Variants in NCALD observed in about 807,000 individuals in gnomAD.
NCALD encodes neurocalcin-delta.
In NCALD, 10 loss-of-function variants were observed where a neutral mutation model predicts 18.6. The ratio of observed to expected loss-of-function variants is 0.54; its 90% confidence interval spans 0.33 to 0.91. The LOEUF is 0.91. NCALD is among the 40% of genes least tolerant of loss of function. The probability of loss-of-function intolerance (pLI) is 0.03; values close to 1 mark genes in which losing one functional copy is unlikely to be tolerated. For missense variants in NCALD, 184 were observed against 247.6 expected, an observed-to-expected ratio of 0.74 and a Z score of 1.72; for synonymous variants, 88 against 87.4, an observed-to-expected ratio of 1.01 and a Z score of -0.04.
chr8:102,049,856 A>AT (rs1022561825), intron 1 of NCALD, among the ~76,000 whole-genome samples: 3 of 152,062 alleles, frequency 2.0e-5, no homozygotes, highest in African/African-American at 7.3e-5. Flanking sequence ...CCTCTTGCCC[A>AT]TTTTTTAAAA....
At chr8:102,074,431 A>G (rs1444792580) in intron 1 of NCALD, among the ~76,000 whole-genome samples, 1 of 152,160 alleles carries the variant, frequency 6.6e-6, no homozygotes, top group Non-Finnish European at 1.5e-5. Flanking sequence ...ATTCTATTCT[A>G]TAAAGTTCTC....
intron 4 of NCALD, among the ~76,000 whole-genome samples, chr8:101,804,034 C>A (rs746831823): frequency 2.6e-5 from 4 of 151,940 alleles, no homozygotes. Context: ...CTTCAGCAAT[C>A]GCCAGCCTGA....
intron 2 of NCALD, among the ~76,000 whole-genome samples, chr8:101,945,245 T>G (rs149785376): frequency 7.5e-4 from 114 of 152,346 alleles, no homozygotes; most frequent in African/African-American, 2.6e-3. Context: ...GCCTCTACTA[T>G]GTGCCAGGCA....
intron 1 of NCALD, among the ~76,000 whole-genome samples, chr8:102,023,223 C>T (rs746096301): frequency 1.6e-4 from 24 of 152,350 alleles, no homozygotes; most frequent in Middle Eastern, 3.4e-3. Context: ...TGATGCTATG[C>T]TCCAAAGCAC....
chr8:102,023,145 C>T (rs187455874), intron 1 of NCALD, among the ~76,000 whole-genome samples: 7 of 152,290 alleles, frequency 4.6e-5, no homozygotes, highest in Admixed American at 3.9e-4. Context: ...AAGCATCACC[C>T]GCCCTGAAGG....
intron 4 of NCALD, among the ~76,000 whole-genome samples, chr8:101,857,397 T>C (rs1815363516): frequency 1.3e-5 from 2 of 152,202 alleles, no homozygotes; most frequent in Non-Finnish European, 2.9e-5. Flanking sequence ...GATGTGCATA[T>C]CTACTCACTC....
intron 4 of NCALD, among the ~76,000 whole-genome samples, chr8:101,830,559 A>AAAG (rs1377425644): frequency 5.3e-5 from 8 of 151,554 alleles, no homozygotes; most frequent in Non-Finnish European, 1.2e-4. Context: ...AAAAAAAAAA[A>AAAG]AGAAAGAAAA....
At position 101,719,142 on chromosome 8, in the gene NCALD, G is replaced by A. The variant is rs1816229886; in HGVS notation, c.378+110C>T. ...ACATGCAGGGTGGGCCAAATGAAGTGTCCTGGTGACTCACCAGTTTGCAAC... is the reference window on the plus strand; with the variant it reads ...ACATGCAGGGTGGGCCAAATGAAGTATCCTGGTGACTCACCAGTTTGCAAC... On this transcript the variant is annotated intron_variant, in intron 2 of 3. Coordinates refer to ENST00000220931, the MANE Select transcript of NCALD (RefSeq NM_032041.3). The A allele has an allele frequency of 5.3e-6, 7 of 1,309,320 alleles. No homozygotes were observed. In the South Asian group the frequency reaches 1.0e-4, roughly 19 times the overall value. The allele number at this position is 1,309,320 out of a possible 1,614,324, so 81.1% of individuals were successfully genotyped here.
At chr8:101,992,389 T>C (rs890475927) in intron 2 of NCALD, among the ~76,000 whole-genome samples, 3 of 152,220 alleles carry the variant, frequency 2.0e-5, no homozygotes, top group Non-Finnish European at 4.4e-5. Flanking sequence ...AAAATATAAA[T>C]GCTTCTAAGA....
upstream of NCALD, among the ~76,000 whole-genome samples, chr8:101,795,673 T>G (rs1379791119): frequency 6.6e-6 from 1 of 152,238 alleles, no homozygotes; most frequent in African/African-American, 2.4e-5. Flanking sequence ...GACACAAACA[T>G]TCAGTGAAGC....
intron 2 of NCALD, among the ~76,000 whole-genome samples, chr8:101,970,916 CAG>C (rs1820216040): frequency 6.6e-6 from 1 of 152,120 alleles, no homozygotes; most frequent in African/African-American, 2.4e-5. Context: ...GTCATGGGGA[CAG>C]GTCTCTTATG....
At chr8:102,067,457 AC>A (rs1824045979) in intron 1 of NCALD, among the ~76,000 whole-genome samples, 1 of 152,008 alleles carries the variant, frequency 6.6e-6, no homozygotes, top group Non-Finnish European at 1.5e-5. Flanking sequence ...AAACACACAC[AC>A]ACACACACAC....
At chr8:101,756,564 A>C (rs771903130) in intron 1 of NCALD, among the ~76,000 whole-genome samples, 41 of 152,374 alleles carry the variant, frequency 2.7e-4, no homozygotes, top group Non-Finnish European at 4.1e-4. Flanking sequence ...CTTTGCACGG[A>C]ATAAGCCCTG....
intron 1 of NCALD, among the ~76,000 whole-genome samples, chr8:102,041,496 C>T (rs566029371): frequency 6.6e-6 from 1 of 152,336 alleles, no homozygotes; most frequent in South Asian, 2.1e-4. Flanking sequence ...GCTGAGATGA[C>T]CTGCCTTTTA....
intron 2 of NCALD, among the ~76,000 whole-genome samples, chr8:101,946,211 T>C (rs535963563): frequency 8.5e-5 from 13 of 152,330 alleles, no homozygotes; most frequent in African/African-American, 2.4e-4. Context: ...TTACAATCTT[T>C]GATGTTTTTA....
intron 1 of NCALD, among the ~76,000 whole-genome samples, chr8:101,773,812 T>C (rs879378454): frequency 1.3e-5 from 2 of 152,192 alleles, no homozygotes; most frequent in Non-Finnish European, 2.9e-5. Flanking sequence ...TATTTCCCGC[T>C]GAAAAACACG....
chr8:101,915,180 A>G (rs1370407059), intron 3 of NCALD, among the ~76,000 whole-genome samples: 1 of 152,248 alleles, frequency 6.6e-6, no homozygotes, highest in African/African-American at 2.4e-5. Context: ...ATAGTCACCC[A>G]GATAGTAACT....
intron 4 of NCALD, among the ~76,000 whole-genome samples, chr8:101,825,784 C>G (rs1813911593): frequency 6.6e-6 from 1 of 152,206 alleles, no homozygotes; most frequent in Non-Finnish European, 1.5e-5. Flanking sequence ...GCAGGTCATA[C>G]CATCTCCGTC....
chr8:101,791,864 G>C (rs898675480), upstream of NCALD, among the ~76,000 whole-genome samples: 2 of 152,100 alleles, frequency 1.3e-5, no homozygotes, highest in Non-Finnish European at 2.9e-5. Flanking sequence ...TGTAATGAAA[G>C]CCCAGAGCCA....
Sources: allele counts gnomAD v4.1 joint callset (sites outside exome capture counted in the v4.1 genomes callset), GRCh38; gene constraint gnomAD v4.1.1; transcripts MANE v1.5; gene names NCBI Gene and HGNC (gene_info 2026-07-23, HGNC 2026-07-21).